The following PKP2 variants were observed in gnomAD, a reference collection of about 807,000 sequenced individuals.
The protein encoded by PKP2 is plakophilin 2, also known as plakophilin-2.
Under a neutral mutation model 83.4 loss-of-function variants are expected in PKP2, and 73 were observed. The observed-to-expected ratio is 0.88, with a 90% CI of 0.72 to 1.06. PKP2 has a LOEUF of 1.06. Among genes scored for constraint, PKP2 ranks in the 50% least tolerant of loss-of-function variants. PKP2 has a pLI of 0.00. For missense variants in PKP2, 966 were observed against 1,065.4 expected (o/e 0.91, Z 1.30); for synonymous variants, 409 against 430.4 (o/e 0.95, Z 0.62).
At chr12:32,852,124 A>G (rs1191474862) in intron 4 of PKP2, among the ~76,000 whole-genome samples, 2 of 152,244 alleles carry the variant, frequency 1.3e-5, no homozygotes, top group Non-Finnish European at 2.9e-5. Context: ...TCTGATTTTG[A>G]AACTTTTAAG....
intron 11 of PKP2, among the ~76,000 whole-genome samples, chr12:32,794,623 A>T (rs1956104316): frequency 6.6e-6 from 1 of 152,224 alleles, no homozygotes; most frequent in Non-Finnish European, 1.5e-5. Context: ...ATGTCTGAAT[A>T]CTCGAATAAT....
rs539679364 is a variant in PKP2 at position 32,876,400 on chromosome 12, T to C, written c.1034+1446A>G. Among the ~76,000 whole-genome samples, 3 of 152,334 alleles carry C rather than the reference T, an allele frequency of 2.0e-5. No homozygotes were observed. The South Asian group carries it at 6.2e-4, about 32-fold the overall frequency. On this transcript the variant is annotated intron_variant, in intron 3 of 12. Transcript: ENST00000340811. ...GGATGTCAGATAATAATTTTGTTAC[T>C]GTTAAAATCATTTTGCTAAAACTGT...
intron 9 of PKP2, chr12:32,821,061 C>T (rs958741144): frequency 5.2e-6 from 2 of 385,874 alleles, no homozygotes; most frequent in South Asian, 4.6e-5. Context: ...AGAAAGAAGG[C>T]CCACCCTGGA....
Position 32,792,436 on chromosome 12 carries a change from G to A in PKP2, c.2502C>T (p.Ser834=), listed in dbSNP as rs763095604. The A allele has an allele frequency of 6.2e-7, 1 of 1,613,066 alleles. No homozygotes were observed. The highest frequency in any genetic ancestry group is 8.5e-7 in the Non-Finnish European group (1 of 1,179,062). The part of the protein sequence containing the change: ...VNSRTAKAYH[S]LKD ...TTTGTCATTTTCCTCAGTCTTTAAG[G>A]GAGTGGTAGGCTTTGGCAGTCCGGC... The change falls in exon 13 of 13, where the codon TCC becomes TCT. Residue 834 remains serine, a synonymous_variant. Transcript: ENST00000340811.
chr12:32,833,054 C>T (rs1721882900), intron 6 of PKP2, among the ~76,000 whole-genome samples: 1 of 152,020 alleles, frequency 6.6e-6, no homozygotes, highest in Non-Finnish European at 1.5e-5. Flanking sequence ...ACCAGCCTGG[C>T]CAATATGGTG....
At chr12:32,868,892 G>A in intron 4 of PKP2, 35 bp downstream of exon 4, 1 of 1,605,026 alleles carries the variant, frequency 6.2e-7, no homozygotes, top group South Asian at 1.1e-5. Context: ...GTGAAAGTGT[G>A]TTGCGCTTTG....
chr12:32,896,483 G>A (rs767016931), intron 1 of PKP2, 26 bp downstream of exon 1: 1 of 1,450,016 alleles, frequency 6.9e-7, no homozygotes, highest in Non-Finnish European at 9.1e-7. Context: ...AGGGGGCGGC[G>A]CCGGGGAGCG....
chr12:32,806,286 G>A (rs1956225187), intron 9 of PKP2, among the ~76,000 whole-genome samples: 1 of 152,084 alleles, frequency 6.6e-6, no homozygotes, highest in African/African-American at 2.4e-5. Flanking sequence ...CAGTAGAAAT[G>A]GTACCTACCC....
At chr12:32,812,084 T>C (rs1565577746) in intron 9 of PKP2, among the ~76,000 whole-genome samples, 1 of 150,382 alleles carries the variant, frequency 6.6e-6, no homozygotes, top group Non-Finnish European at 1.5e-5. Context: ...GTGGAAAAGA[T>C]ATATGGCAGC....
chr12:32,896,064 A>G (rs1957120509), intron 1 of PKP2, among the ~76,000 whole-genome samples: 1 of 152,118 alleles, frequency 6.6e-6, no homozygotes, highest in Non-Finnish European at 1.5e-5. Flanking sequence ...TCCCCAAGAT[A>G]TTTATGGGGG....
chr12:32,835,742 C>T (rs1029332745), intron 6 of PKP2, among the ~76,000 whole-genome samples: 4 of 152,138 alleles, frequency 2.6e-5, no homozygotes, highest in South Asian at 2.1e-4. Context: ...ATGCTAGCAG[C>T]GTGCTGATAA....
At chr12:32,874,499 A>C (rs1357752767) in intron 3 of PKP2, among the ~76,000 whole-genome samples, 2 of 152,078 alleles carry the variant, frequency 1.3e-5, no homozygotes, top group Non-Finnish European at 2.9e-5. Context: ...TACTCTCTAG[A>C]ATTTGGGGAA....
chr12:32,845,545 C>T (rs1956637178), intron 5 of PKP2, among the ~76,000 whole-genome samples: 1 of 152,000 alleles, frequency 6.6e-6, no homozygotes, highest in Non-Finnish European at 1.5e-5. Flanking sequence ...GAGCGAGACT[C>T]CGTCTCAAAA....
chr12:32,847,344 T>A (rs1038625736), intron 5 of PKP2, among the ~76,000 whole-genome samples: 1 of 152,220 alleles, frequency 6.6e-6, no homozygotes, highest in Non-Finnish European at 1.5e-5. Flanking sequence ...CCAGTAGGGA[T>A]GTTTGGCTTA....
chr12:32,865,461 A>C (rs190364121), intron 4 of PKP2, among the ~76,000 whole-genome samples: 185 of 151,716 alleles, frequency 1.2e-3, no homozygotes, highest in African/African-American at 4.4e-3. Context: ...TGGGCAGATC[A>C]CTTGAGGCAA....
chr12:32,792,014 C>T lies in PKP2; in HGVS notation c.*410G>A, dbSNP rs1454827354. The T allele has an allele frequency of 8.4e-5, 25 of 297,300 alleles. No homozygotes were observed. Among genetic ancestry groups the T allele is most frequent in the Admixed American group, 6.9e-4 (14 of 20,174 alleles). The allele number at this position is 297,300 out of a possible 1,614,324, so 18.4% of individuals were successfully genotyped here. A position where few individuals can be genotyped will look rare whatever the true frequency, so the allele number is the denominator to read the frequency against. On this transcript the variant is annotated 3_prime_UTR_variant, in exon 13 of 13. Transcript: ENST00000340811. The stretch of plus-strand genomic sequence containing the variant: ...GAACAATACACTGGAGGCCCAATGG[C>T]GAAGCAATGTGCACATGAGTGACAA...
At chr12:32,874,935 C>G (rs1188425816) in intron 3 of PKP2, among the ~76,000 whole-genome samples, 1 of 151,872 alleles carries the variant, frequency 6.6e-6, no homozygotes, top group Non-Finnish European at 1.5e-5. Context: ...GAAGTGGGGT[C>G]TCGGGGTCTC....
intron 4 of PKP2, among the ~76,000 whole-genome samples, chr12:32,865,763 G>A (rs1166009582): frequency 6.6e-6 from 1 of 150,982 alleles, no homozygotes; most frequent in East Asian, 1.9e-4. Context: ...TTCCTTTTCA[G>A]CAAAGATACA....
rs573386741 is a variant in PKP2, at chr12:32,890,171, A to C, written c.223+6338T>G. Among the ~76,000 whole-genome samples, 240 of 146,450 alleles carry C rather than the reference A, an allele frequency of 1.6e-3. 1 individual carries two copies. Among genetic ancestry groups the C allele is most frequent in the African/African-American group, 5.8e-3 (231 of 39,612 alleles). On this transcript the variant is annotated intron_variant, in intron 1 of 12. Coordinates refer to ENST00000340811, the MANE Select transcript of PKP2 (RefSeq NM_001005242.3). ...AATATATGTTTACTATCATTCTTTT[A>C]TCTGTATGGCTTGTGTATTTATCTG...
Sources: gnomAD v4.1 joint callset for allele counts (sites outside exome capture counted in the v4.1 genomes callset) on GRCh38, gnomAD v4.1.1 for gene constraint, MANE v1.5 for transcripts, NCBI Gene and HGNC (gene_info 2026-07-23, HGNC 2026-07-21) for gene names.